Variants in SFMBT2 observed in about 807,000 individuals in gnomAD.
SFMBT2 encodes Scm like with four mbt domains 2.
SFMBT2 carries 38 observed loss-of-function variants against 110.1 expected under a neutral mutation model. The observed-to-expected ratio is 0.35, with a 90% confidence interval of 0.27 to 0.45. The LOEUF is 0.45. Among genes scored for constraint, SFMBT2 ranks in the 20% least tolerant of loss-of-function variants. The probability of loss-of-function intolerance (pLI) is 1.00; values close to 1 mark genes in which losing one functional copy is unlikely to be tolerated. For synonymous variants in SFMBT2, 425 were observed against 425.4 expected (o/e 1.00, Z 0.01); for missense variants, 1,011 against 1,094.9 (o/e 0.92, Z 1.08).
chr10:7,210,701 G>A (rs549122001), intron 11 of SFMBT2, among the ~76,000 whole-genome samples: 3 of 152,230 alleles, frequency 2.0e-5, no homozygotes, highest in African/African-American at 4.8e-5. Flanking sequence ...AGACCTGGAC[G>A]CTGGAAGCCC....
At chr10:7,222,803 G>A (rs765306523) in intron 10 of SFMBT2, among the ~76,000 whole-genome samples, 26 of 151,964 alleles carry the variant, frequency 1.7e-4, no homozygotes, top group Non-Finnish European at 1.5e-4. Context: ...CTGAGTAGCT[G>A]GGACTATAGG....
chr10:7,367,650 G>T lies in SFMBT2; in HGVS notation c.435C>A (p.Asp145Glu). 1.2e-6 allele frequency: 2 copies of T among 1,608,156 alleles called. No individual in the cohort carries two copies. Among genetic ancestry groups the T allele is most frequent in the Non-Finnish European group, 1.7e-6 (2 of 1,176,048 alleles). ...GAAGCCTTTGAAACAGGGGCTCACC[G>T]TCCGGCGGCATCAACACCTTGTTGT... ...TQNNKVLMPP[D>E]AIKEKYTDWT... Residue 145 changes from aspartate to glutamate, a missense_variant and splice_region_variant, in exon 4 of 21, where the codon GAC becomes GAA. Physicochemically the swap from Asp to Glu is conservative, Grantham distance 45. Coordinates refer to ENST00000397167, the MANE Select transcript of SFMBT2 (RefSeq NM_001387889.1). The surrounding 1 kb of genome is among the most constrained non-coding windows in gnomAD (Gnocchi z 6.2).
intron 4 of SFMBT2, among the ~76,000 whole-genome samples, chr10:7,344,293 A>G (rs1844030568): frequency 6.6e-6 from 1 of 152,186 alleles, no homozygotes; most frequent in African/African-American, 2.4e-5. Context: ...AATTATGATA[A>G]TCCCCATGTG....
At position 7,340,049 on chromosome 10, in the gene SFMBT2, C is replaced by T. The variant is rs150723511; in HGVS notation, c.436+27600G>A. Reference sequence around the variant, plus strand: ...CATGAGTGTGCAAGTGAAAGCCATGCAGGTTCCTGAGACAGCCACAGTCGG... The same window carrying T: ...CATGAGTGTGCAAGTGAAAGCCATGTAGGTTCCTGAGACAGCCACAGTCGG... On this transcript the variant is annotated intron_variant, in intron 4 of 20. Transcript: ENST00000397167. Among the ~76,000 whole-genome samples, 883 of 152,298 alleles carry T rather than the reference C, an allele frequency of 5.8e-3. 6 individuals carry two copies. The highest frequency in any genetic ancestry group is 0.019 in the African/African-American group (805 of 41,560).
At chr10:7,322,176 T>C (rs993220160) in intron 4 of SFMBT2, among the ~76,000 whole-genome samples, 1 of 152,228 alleles carries the variant, frequency 6.6e-6, no homozygotes, top group Non-Finnish European at 1.5e-5. Context: ...GTTCTACTGA[T>C]GGTGAATGAG....
intron 4 of SFMBT2, among the ~76,000 whole-genome samples, chr10:7,287,200 C>A (rs1404930053): frequency 6.6e-6 from 1 of 151,354 alleles, no homozygotes. Context: ...CTGCCTCAGC[C>A]TCCCGAGTAG....
intron 16 of SFMBT2, among the ~76,000 whole-genome samples, chr10:7,180,734 G>A (rs891757309): frequency 6.6e-6 from 1 of 151,986 alleles, no homozygotes; most frequent in East Asian, 1.9e-4. Flanking sequence ...GTGCGGGAGG[G>A]ACGCAGGGGG....
chr10:7,230,628 A>G (rs1220405815), intron 9 of SFMBT2, among the ~76,000 whole-genome samples: 3 of 152,182 alleles, frequency 2.0e-5, no homozygotes, highest in Non-Finnish European at 4.4e-5. Flanking sequence ...TCATCTACAA[A>G]TTCACAAAAT....
At chr10:7,206,191 C>T (rs1465070864) in intron 11 of SFMBT2, 2 of 985,242 alleles carry the variant, frequency 2.0e-6, no homozygotes, top group African/African-American at 1.7e-5. Flanking sequence ...AAGAGAGATA[C>T]TCTGCCCTAA....
chr10:7,248,990 G>T, intron 7 of SFMBT2: 2 of 313,014 alleles, frequency 6.4e-6, no homozygotes, highest in Non-Finnish European at 9.3e-6. Flanking sequence ...ACAGCAGGGT[G>T]TCTTCAGAAA....
At chr10:7,249,884 G>A (rs1300232304) in intron 7 of SFMBT2, among the ~76,000 whole-genome samples, 6 of 152,172 alleles carry the variant, frequency 3.9e-5, no homozygotes, top group Non-Finnish European at 7.3e-5. Context: ...TGTTTTGGGG[G>A]ATGCATGATG....
At chr10:7,390,767 G>C (rs1242560004) in intron 1 of SFMBT2, among the ~76,000 whole-genome samples, 1 of 152,184 alleles carries the variant, frequency 6.6e-6, no homozygotes, top group Non-Finnish European at 1.5e-5. Flanking sequence ...ACAGTAATCT[G>C]AGACTGTAAA....
chr10:7,329,707 T>C (rs1843509024), intron 4 of SFMBT2: 2 of 156,912 alleles, frequency 1.3e-5, no homozygotes, highest in South Asian at 4.1e-4. Flanking sequence ...ACAGCGCCTA[T>C]ACATGGCCTC....
chr10:7,351,880 A>T (rs75204792), intron 4 of SFMBT2, among the ~76,000 whole-genome samples: 10,453 of 149,654 alleles, frequency 0.07, 799 homozygotes, highest in African/African-American at 0.2. Context: ...TAAAAAAAAA[A>T]ATATATATAT....
intron 2 of SFMBT2, among the ~76,000 whole-genome samples, chr10:7,376,061 C>T (rs974615364): frequency 6.6e-6 from 1 of 152,290 alleles, no homozygotes; most frequent in African/African-American, 2.4e-5. Context: ...TGTGCAACAC[C>T]GCTTTATCTA....
intron 10 of SFMBT2, among the ~76,000 whole-genome samples, chr10:7,224,810 C>T (rs1385185102): frequency 3.3e-5 from 5 of 152,194 alleles, no homozygotes; most frequent in Non-Finnish European, 5.9e-5. Context: ...GATTTATATA[C>T]TTATGGATAC....
At chr10:7,328,497 T>C (rs1438438841) in intron 4 of SFMBT2, among the ~76,000 whole-genome samples, 1 of 152,258 alleles carries the variant, frequency 6.6e-6, no homozygotes. Flanking sequence ...TATCAATTTG[T>C]TGTCTGTTCT....
chr10:7,251,485 G>A (rs961239665), intron 7 of SFMBT2, among the ~76,000 whole-genome samples: 2 of 152,006 alleles, frequency 1.3e-5, no homozygotes, highest in South Asian at 4.2e-4. Context: ...AAAAGTGAAC[G>A]TTCCTGTCAG....
intron 7 of SFMBT2, among the ~76,000 whole-genome samples, chr10:7,270,834 C>T (rs1236037870): frequency 1.3e-5 from 2 of 152,158 alleles, no homozygotes; most frequent in Non-Finnish European, 2.9e-5. Context: ...GTCAACAGCA[C>T]ATAATAGCTT....
Sources: allele counts gnomAD v4.1 joint callset (sites outside exome capture counted in the v4.1 genomes callset), GRCh38; gene constraint gnomAD v4.1.1; non-coding constraint Gnocchi (gnomAD v3.1); transcripts MANE v1.5; gene names NCBI Gene and HGNC (gene_info 2026-07-23, HGNC 2026-07-21).